PHF3: variants seen among roughly 807,000 people sequenced by gnomAD.
The protein encoded by PHF3 is PHD finger protein 3.
PHF3 carries 41 observed loss-of-function variants against 178.4 expected under a neutral mutation model. The observed-to-expected ratio is 0.23, with a 90% CI of 0.18 to 0.30. The LOEUF is 0.30. Ranked by LOEUF, PHF3 falls within the 10% of genes least tolerant of loss-of-function variation. PHF3 has a pLI of 1.00. For synonymous variants in PHF3, 842 were observed against 800.5 expected (o/e 1.05, Z -0.88); for missense variants, 2,346 against 2,398.1 (o/e 0.98, Z 0.45).
At position 63,684,789 on chromosome 6, in the gene PHF3, C is replaced by G. The variant is rs765089871; in HGVS notation, c.1067C>G (p.Thr356Arg). 6.2e-7 allele frequency: 1 copy of G among 1,613,988 alleles called. No homozygotes were observed. The highest frequency in any genetic ancestry group is 1.7e-4 in the Middle Eastern group (1 of 6,060). The change falls in exon 4 of 16, where the codon ACA becomes AGA. Residue 356 changes from threonine to arginine, a missense_variant. Physicochemically the swap from Thr to Arg is moderately conservative, Grantham distance 71 (BLOSUM62 -1). Coordinates refer to ENST00000262043, the MANE Select transcript of PHF3 (RefSeq NM_001370348.2). Reference sequence around the variant, plus strand: ...GCTGCTTGTACAAATCCAAATAAGACAGAAAACAGCCTTGTAGGTTTGCCT... The same window carrying G: ...GCTGCTTGTACAAATCCAAATAAGAGAGAAAACAGCCTTGTAGGTTTGCCT... Reference protein sequence around the residue: ...SDAACTNPNKTENSLVGLPSC... With the variant: ...SDAACTNPNKRENSLVGLPSC...
In PHF3 at chr6:63,685,433, C is replaced by G. The variant is rs371333932; in HGVS notation, c.1711C>G (p.Gln571Glu). The change falls in exon 4 of 16, where the codon CAA becomes GAA. Residue 571 changes from glutamine (Q) to glutamate (E), a missense_variant. By Grantham distance (29) the Gln-to-Glu change is conservative (BLOSUM62 2). This residue lies in a region of PHF3 where 843 missense variants were observed against 795.2 expected (regional missense o/e 1.06). Coordinates refer to ENST00000262043, the MANE Select transcript of PHF3 (RefSeq NM_001370348.2). ...TTCTGGGGTTAAATCTGTGAAAAAC[C>G]AAGCTCATTCTGTACTGAAAAAAAC... ...CNSGVKSVKNQAHSVLKKTLQ... is the reference protein window; with the variant it reads ...CNSGVKSVKNEAHSVLKKTLQ... 8 of 1,613,698 alleles carry G rather than the reference C, an allele frequency of 5.0e-6. No individual in the cohort carries two copies. The highest frequency in any genetic ancestry group is 1.3e-5 in the African/African-American group (1 of 74,812).
intron 1 of PHF3, among the ~76,000 whole-genome samples, chr6:63,639,109 G>A (rs1764470121): frequency 6.6e-6 from 1 of 152,096 alleles, no homozygotes; most frequent in Admixed American, 6.5e-5. Flanking sequence ...TGCATAATGT[G>A]CTTAATTTAG....
Position 63,698,532 on chromosome 6 carries a change from T to C in PHF3, c.2909T>C (p.Phe970Ser). Residue 970 changes from phenylalanine (F) to serine (S), a missense_variant, in exon 8 of 16, where the codon TTT (phenylalanine) becomes TCT (serine). Coordinates refer to ENST00000262043, the MANE Select transcript of PHF3 (RefSeq NM_001370348.2). ...ATTGAGAAAGAGCTTTTCTCTTTTTTTCGGGACACAGATGCTAAATATAAG... is the reference window on the plus strand; with the variant it reads ...ATTGAGAAAGAGCTTTTCTCTTTTTCTCGGGACACAGATGCTAAATATAAG... ...TKIEKELFSF[F>S]RDTDAKYKNK... 1 of 1,604,018 alleles carries C rather than the reference T, an allele frequency of 6.2e-7. No homozygotes were observed. The highest frequency in any genetic ancestry group is 8.5e-7 in the Non-Finnish European group (1 of 1,176,632).
chr6:63,703,800 T>G (rs1304220820), intron 11 of PHF3, 129 bp downstream of exon 11: 24 of 831,522 alleles, frequency 2.9e-5, no homozygotes. Context: ...CTCACAGTCT[T>G]TAAGCTTTCG....
At chr6:63,707,912 G>A (rs1211857904) in intron 13 of PHF3, among the ~76,000 whole-genome samples, 1 of 151,932 alleles carries the variant, frequency 6.6e-6, no homozygotes, top group Non-Finnish European at 1.5e-5. Context: ...TGTCGCCCTG[G>A]CTGGAGTGCA....
rs776622147 is a variant in PHF3, at chr6:63,685,130, G to A, written c.1408G>A (p.Asp470Asn). 1 of 1,613,888 alleles carries A rather than the reference G, an allele frequency of 6.2e-7. No individual in the cohort carries two copies. Among genetic ancestry groups the A allele is most frequent in the African/African-American group, 1.3e-5 (1 of 74,906 alleles). The change falls in exon 4 of 16, where the codon GAC (aspartate) becomes AAC (asparagine). Residue 470 changes from aspartate (D) to asparagine (N), a missense_variant. Asp to Asn is a conservative substitution (Grantham distance 23). Transcript: ENST00000262043. Reference protein sequence around the residue: ...ESHETANLQDDRNSQSSSVSY... With the variant: ...ESHETANLQDNRNSQSSSVSY... ...CCATGAAACAGCAAACCTTCAGGATGACAGAAACAGCCAGTCAAGTAGCGT... is the reference window on the plus strand; with the variant it reads ...CCATGAAACAGCAAACCTTCAGGATAACAGAAACAGCCAGTCAAGTAGCGT...
rs1326311914 is a variant in PHF3 at position 63,721,656 on chromosome 6, C to T, written c.*7948C>T. The T allele has an allele frequency of 5.2e-6, 8 of 1,551,330 alleles. No individual in the cohort carries two copies. The highest frequency in any genetic ancestry group is 2.4e-5 in the East Asian group (1 of 40,924). ...ATCTAGATCCAGGTAGCCTTCTGCACCAACTCTTCCTGCTTTTATTATATG... is the reference window on the plus strand; with the variant it reads ...ATCTAGATCCAGGTAGCCTTCTGCATCAACTCTTCCTGCTTTTATTATATG... On this transcript the variant is annotated 3_prime_UTR_variant, in exon 16 of 16. Coordinates refer to ENST00000262043, the MANE Select transcript of PHF3 (RefSeq NM_001370348.2).
intron 2 of PHF3, among the ~76,000 whole-genome samples, chr6:63,670,943 C>T (rs1254318382): frequency 3.3e-5 from 5 of 152,032 alleles, no homozygotes; most frequent in African/African-American, 9.7e-5. Flanking sequence ...ATGTGATTCT[C>T]TAAGAACTCT....
In PHF3 at chr6:63,700,457, A is replaced by G; in HGVS notation, c.3090A>G (p.Glu1030=). 1 of 1,528,506 alleles carries G rather than the reference A, an allele frequency of 6.5e-7. No homozygotes were observed. The highest frequency in any genetic ancestry group is 9.0e-7 in the Non-Finnish European group (1 of 1,105,476). The allele number at this position is 1,528,506 out of a possible 1,614,324, so 94.7% of individuals were successfully genotyped here. ...AGTTAGCTGCTTGGAGACGAAGAGA[A>G]AACAGACATGTAAGATTATCTATAA... ...SKELAAWRRR[E]NRHTIEMIEK... Residue 1030 remains glutamate (E), a synonymous_variant, in exon 9 of 16, where the codon GAA becomes GAG. Coordinates refer to ENST00000262043, the MANE Select transcript of PHF3 (RefSeq NM_001370348.2).
In PHF3 at chr6:63,714,011, T is replaced by G. The variant is rs758045362; in HGVS notation, c.*303T>G. The stretch of plus-strand genomic sequence containing the variant: ...GGCTTAGAAATTTTAGTTTTATTCC[T>G]TAATTGGTAAATATGGTTAACTATG... On this transcript the variant is annotated 3_prime_UTR_variant, in exon 16 of 16. Coordinates refer to ENST00000262043, the MANE Select transcript of PHF3 (RefSeq NM_001370348.2). The G allele has an allele frequency of 2.2e-5, 5 of 225,610 alleles. No homozygotes were observed. Among genetic ancestry groups the G allele is most frequent in the Non-Finnish European group, 4.3e-5 (5 of 117,024 alleles). 14.0% of individuals were successfully genotyped at this position (225,610 alleles called of 1,614,324 possible). A position where few individuals can be genotyped will look rare whatever the true frequency, so the allele number is the denominator to read the frequency against.
At chr6:63,700,535 T>C (rs1767427385) in intron 9 of PHF3, 69 bp downstream of exon 9, 1 of 831,712 alleles carries the variant, frequency 1.2e-6, no homozygotes, top group Non-Finnish European at 2.0e-6. Flanking sequence ...GTAAAAATTA[T>C]ACAGAGGTAA....
chr6:63,676,916 C>G (rs1394895046), intron 2 of PHF3, among the ~76,000 whole-genome samples: 2 of 152,038 alleles, frequency 1.3e-5, no homozygotes, highest in Non-Finnish European at 2.9e-5. Flanking sequence ...ATGTGTGATA[C>G]ATTTTGAAGA....
chr6:63,652,230 A>G (rs1765049475), intron 2 of PHF3, among the ~76,000 whole-genome samples: 2 of 152,166 alleles, frequency 1.3e-5, no homozygotes, highest in Admixed American at 6.5e-5. Flanking sequence ...GATAATAGCC[A>G]TTCTAAATGG....
intron 2 of PHF3, among the ~76,000 whole-genome samples, chr6:63,660,146 G>T (rs1765404847): frequency 6.6e-6 from 1 of 151,910 alleles, no homozygotes; most frequent in Non-Finnish European, 1.5e-5. Flanking sequence ...ATGTGTGAGT[G>T]CCCAAAATGG....
chr6:63,638,429 T>C (rs560505334), intron 1 of PHF3, among the ~76,000 whole-genome samples: 2 of 152,158 alleles, frequency 1.3e-5, no homozygotes, highest in Non-Finnish European at 2.9e-5. Flanking sequence ...TGGTGTTTGC[T>C]TTTTTGATAC....
chr6:63,706,982 C>T (rs1414162825), intron 13 of PHF3, 106 bp downstream of exon 13: 12 of 979,976 alleles, frequency 1.2e-5, no homozygotes, highest in Admixed American at 2.3e-5. Context: ...TATTTATTAA[C>T]AATGATTTTT....
chr6:63,664,537 T>TA (rs544132041), intron 2 of PHF3, among the ~76,000 whole-genome samples: 33 of 152,212 alleles, frequency 2.2e-4, no homozygotes, highest in Admixed American at 5.2e-4. Flanking sequence ...TTACTTGTCT[T>TA]ACTGTTTTAC....
chr6:63,639,598 A>G (rs901733653), intron 1 of PHF3, among the ~76,000 whole-genome samples: 2 of 152,206 alleles, frequency 1.3e-5, no homozygotes, highest in Non-Finnish European at 2.9e-5. Context: ...GTAAAAGTGT[A>G]GGCTCAGGAA....
intron 10 of PHF3, 117 bp downstream of exon 10, chr6:63,702,756 T>A: frequency 1.0e-6 from 1 of 995,418 alleles, no homozygotes; most frequent in Non-Finnish European, 1.5e-6. Context: ...CATTTAAAAG[T>A]AGCCTATTTT....
Sources: allele counts gnomAD v4.1 joint callset (sites outside exome capture counted in the v4.1 genomes callset), GRCh38; gene constraint gnomAD v4.1.1; regional missense constraint gnomAD v4.1.1; transcripts MANE v1.5; gene names NCBI Gene and HGNC (gene_info 2026-07-23, HGNC 2026-07-21).